The following ARID2 variants were observed in gnomAD, a reference collection of about 807,000 sequenced individuals.
ARID2 encodes AT-rich interaction domain 2.
A neutral mutation model predicts 184.6 loss-of-function variants in ARID2; 32 were observed. The ratio of observed to expected loss-of-function variants is 0.17; its 90% CI spans 0.13 to 0.23. The LOEUF (loss-of-function observed/expected upper bound fraction) is 0.23. ARID2 is among the 10% of genes least tolerant of loss of function. The probability of loss-of-function intolerance (pLI) is 1.00; values close to 1 mark genes in which losing one functional copy is unlikely to be tolerated. For missense variants in ARID2, 1,696 were observed against 2,197.6 expected (o/e 0.77, Z 4.56); for synonymous variants, 836 against 772.6 (o/e 1.08, Z -1.36).
intron 3 of ARID2, among the ~76,000 whole-genome samples, chr12:45,797,497 G>A (rs1592082795): frequency 6.6e-6 from 1 of 152,272 alleles, no homozygotes; most frequent in East Asian, 1.9e-4. Context: ...GCCTCCCAAA[G>A]TGCTGGCATT....
rs971443216 is a variant in ARID2, at chr12:45,780,900, G to A, written c.285-30518G>A. Among the ~76,000 whole-genome samples the A allele has an allele frequency of 3.9e-5, 6 of 152,256 alleles. No homozygotes were observed. The East Asian group carries it at 5.8e-4, about 15-fold the overall frequency. On this transcript the variant is annotated intron_variant, in intron 3 of 20. Transcript: ENST00000334344. ...CTCCCAAAGTGCTGGGATTACAGGCGTGAGCCACTGCGCCCGGCTGAAATT... is the reference window on the plus strand; with the variant it reads ...CTCCCAAAGTGCTGGGATTACAGGCATGAGCCACTGCGCCCGGCTGAAATT...
At chr12:45,891,589 C>T (rs1164854171) in intron 16 of ARID2, among the ~76,000 whole-genome samples, 191 bp from the exon 17 acceptor site, 1 of 152,076 alleles carries the variant, frequency 6.6e-6, no homozygotes, top group Non-Finnish European at 1.5e-5. Flanking sequence ...ATATTTCATT[C>T]ACTTTTAAGA....
chr12:45,778,251 C>A (rs73095497), intron 3 of ARID2, among the ~76,000 whole-genome samples: 54,087 of 151,872 alleles, frequency 0.36, 10,102 homozygotes, highest in African/African-American at 0.48. Context: ...TGTTCCCCCC[C>A]CAACCCGCAA....
intron 3 of ARID2, among the ~76,000 whole-genome samples, chr12:45,744,816 C>T (rs1348876176): frequency 6.6e-6 from 1 of 152,150 alleles, no homozygotes; most frequent in Non-Finnish European, 1.5e-5. Context: ...CATTTAAATT[C>T]ATCAATGCTA....
At chr12:45,892,549 CTTAT>C (rs778140661) in intron 18 of ARID2, among the ~76,000 whole-genome samples, 6 of 151,970 alleles carry the variant, frequency 3.9e-5, no homozygotes, top group Non-Finnish European at 8.8e-5. Flanking sequence ...TTCAGGTTAT[CTTAT>C]TTAATATTCA....
At chr12:45,839,567 C>T (rs1943299658) in intron 11 of ARID2, 71 bp downstream of exon 11, 2 of 1,512,990 alleles carry the variant, frequency 1.3e-6, no homozygotes, top group Admixed American at 2.1e-5. Flanking sequence ...GAATAAATTT[C>T]AATGTGCAGT....
rs906785603 is a variant in ARID2 at position 45,881,056 on chromosome 12, T to C, written c.4923-10724T>C. 4.6e-5 allele frequency: 8 copies of C among 173,714 alleles called. No individual in the cohort carries two copies. The Middle Eastern group carries it at 7.9e-3, about 171-fold the overall frequency. 10.8% of individuals were successfully genotyped at this position (173,714 alleles called of 1,614,324 possible). A position where few individuals can be genotyped will look rare whatever the true frequency, so the allele number is the denominator to read the frequency against. On this transcript the variant is annotated intron_variant, in intron 16 of 20. Coordinates refer to ENST00000334344, the MANE Select transcript of ARID2 (RefSeq NM_152641.4). The stretch of plus-strand genomic sequence containing the variant: ...CCAGCTCATGGCCTAGTTGTAGTCC[T>C]GCTGCAGGTTCTGCTGCAGGCTATT...
chr12:45,878,049 A>G (rs967211004), intron 16 of ARID2, among the ~76,000 whole-genome samples: 2 of 152,150 alleles, frequency 1.3e-5, no homozygotes, highest in Non-Finnish European at 2.9e-5. Flanking sequence ...ATCTCATTCC[A>G]TTCTTCTTGC....
At chr12:45,753,125 T>C (rs1010709346) in intron 3 of ARID2, among the ~76,000 whole-genome samples, 4 of 152,080 alleles carry the variant, frequency 2.6e-5, no homozygotes, top group African/African-American at 9.6e-5. Flanking sequence ...TAGCTGGGTG[T>C]GGTGGCGCAT....
chr12:45,784,151 G>A (rs565218657), intron 3 of ARID2, among the ~76,000 whole-genome samples: 2 of 151,906 alleles, frequency 1.3e-5, no homozygotes, highest in Non-Finnish European at 2.9e-5. Flanking sequence ...TGCTGTACCT[G>A]GCTAATTTGT....
At chr12:45,744,578 A>G (rs559236456) in intron 3 of ARID2, among the ~76,000 whole-genome samples, 9 of 152,142 alleles carry the variant, frequency 5.9e-5, no homozygotes, top group Non-Finnish European at 1.0e-4. Context: ...TTTTCTATCT[A>G]TGAAACAGTT....
At chr12:45,837,246 T>C (rs1265729940) in intron 8 of ARID2, 75 bp from the exon 9 acceptor site, 2 of 1,304,396 alleles carry the variant, frequency 1.5e-6, no homozygotes, top group Non-Finnish European at 2.1e-6. Context: ...CTGTTTATTT[T>C]TTATTTTTAT....
At chr12:45,751,994 C>G (rs935285213) in intron 3 of ARID2, among the ~76,000 whole-genome samples, 2 of 152,126 alleles carry the variant, frequency 1.3e-5, no homozygotes, top group African/African-American at 4.8e-5. Context: ...AGATATATTT[C>G]TAAAGTTTCA....
chr12:45,799,035 A>G (rs1942444859), intron 3 of ARID2, among the ~76,000 whole-genome samples: 2 of 152,040 alleles, frequency 1.3e-5, no homozygotes, highest in Non-Finnish European at 2.9e-5. Context: ...AGTTTTTAAT[A>G]AAGTGAAATA....
At chr12:45,867,231 G>A (rs1488042905) in intron 16 of ARID2, among the ~76,000 whole-genome samples, 1 of 151,740 alleles carries the variant, frequency 6.6e-6, no homozygotes, top group Non-Finnish European at 1.5e-5. Context: ...TTACAGGCAT[G>A]AGCCACTGCA....
At chr12:45,730,470 G>C (rs867503485) in intron 2 of ARID2, among the ~76,000 whole-genome samples, 8 of 150,204 alleles carry the variant, frequency 5.3e-5, no homozygotes, top group African/African-American at 1.9e-4. Context: ...CGCCCGCCCC[G>C]CTCCCGCGCC....
intron 18 of ARID2, 112 bp downstream of exon 18, chr12:45,892,208 C>A: frequency 1.0e-6 from 1 of 992,174 alleles, no homozygotes; most frequent in Non-Finnish European, 1.5e-6. Context: ...GGGTTCTAGT[C>A]CAGCTCTGCC....
In ARID2 at chr12:45,836,803, A is replaced by G; in HGVS notation, c.835A>G (p.Asn279Asp). ...TCATCCACCTCGAAAGCTGGGCATTAACGATATTGAAGGACAGCGGGTACT... is the reference window on the plus strand; with the variant it reads ...TCATCCACCTCGAAAGCTGGGCATTGACGATATTGAAGGACAGCGGGTACT... Reference protein sequence around the residue: ...LFHPPRKLGINDIEGQRVLQI... With the variant: ...LFHPPRKLGIDDIEGQRVLQI... The change falls in exon 8 of 21, where the codon AAC becomes GAC. Residue 279 changes from asparagine to aspartate, a missense_variant. Asn to Asp is a conservative substitution (Grantham distance 23, BLOSUM62 1). This residue lies in a region of ARID2 where 148 missense variants were observed against 285.4 expected (regional missense o/e 0.52). Coordinates refer to ENST00000334344, the MANE Select transcript of ARID2 (RefSeq NM_152641.4). 6.2e-7 allele frequency: 1 copy of G among 1,614,164 alleles called. No homozygotes were observed. The highest frequency in any genetic ancestry group is 2.2e-5 in the East Asian group (1 of 44,870).
intron 6 of ARID2, among the ~76,000 whole-genome samples, chr12:45,833,633 G>GT (rs1328568438): frequency 6.6e-6 from 1 of 152,116 alleles, no homozygotes; most frequent in East Asian, 1.9e-4. Flanking sequence ...GATTATCAGA[G>GT]TAGGGTTGTT....
Sources: allele counts gnomAD v4.1 joint callset (sites outside exome capture counted in the v4.1 genomes callset), GRCh38; gene constraint gnomAD v4.1.1; regional missense constraint gnomAD v4.1.1; transcripts MANE v1.5; gene names NCBI Gene and HGNC (gene_info 2026-07-23, HGNC 2026-07-21).